Variants in ARHGAP10 observed in about 807,000 individuals in gnomAD.
The protein encoded by ARHGAP10 is Rho GTPase activating protein 10.
In ARHGAP10, 87 loss-of-function variants were observed where a neutral mutation model predicts 108.6. The observed-to-expected ratio is 0.80, with a 90% CI of 0.67 to 0.96. The LOEUF (loss-of-function observed/expected upper bound fraction) is 0.96, where lower values mean the gene tolerates loss of function less well. ARHGAP10 is among the 40% of genes least tolerant of loss of function. The pLI is 0.00. For missense variants in ARHGAP10, 939 were observed against 954.5 expected, an observed-to-expected ratio of 0.98 and a Z score of 0.21; for synonymous variants, 347 against 341.1, an observed-to-expected ratio of 1.02 and a Z score of -0.19.
chr4:147,853,164 A>G (rs1442226474), intron 4 of ARHGAP10, among the ~76,000 whole-genome samples: 1 of 152,214 alleles, frequency 6.6e-6, no homozygotes, highest in Non-Finnish European at 1.5e-5. Context: ...ACACTCGCTC[A>G]CACAGTACTA....
intron 20 of ARHGAP10, among the ~76,000 whole-genome samples, chr4:148,055,059 C>T (rs1390802679): frequency 2.0e-5 from 3 of 152,192 alleles, no homozygotes; most frequent in East Asian, 1.9e-4. Context: ...AAAGTTCAGC[C>T]CTCTTACCTG....
intron 10 of ARHGAP10, among the ~76,000 whole-genome samples, chr4:147,903,364 G>T (rs4527458): frequency 0.9 from 136,790 of 152,208 alleles, 63,110 homozygotes; most frequent in Non-Finnish European, 1. Context: ...AGATTTTCCT[G>T]ATTCCCCCCA....
chr4:147,837,865 TC>T (rs1733241584), intron 3 of ARHGAP10, among the ~76,000 whole-genome samples: 1 of 151,952 alleles, frequency 6.6e-6, no homozygotes, highest in African/African-American at 2.4e-5. Context: ...GGACTGATGT[TC>T]CTGTATGTGC....
chr4:147,970,167 G>T (rs575039315), intron 18 of ARHGAP10, among the ~76,000 whole-genome samples: 1 of 152,312 alleles, frequency 6.6e-6, no homozygotes, highest in South Asian at 2.1e-4. Context: ...CTGCTATGAG[G>T]AAGAATATTT....
At chr4:147,764,761 C>T (rs953846967) in intron 1 of ARHGAP10, among the ~76,000 whole-genome samples, 6 of 152,064 alleles carry the variant, frequency 3.9e-5, no homozygotes, top group Admixed American at 6.6e-5. Flanking sequence ...TCTTGAACTC[C>T]TGGCCTCAAG....
At chr4:147,784,354 A>G (rs1224573261) in intron 1 of ARHGAP10, among the ~76,000 whole-genome samples, 1 of 134,468 alleles carries the variant, frequency 7.4e-6, no homozygotes, top group Non-Finnish European at 1.5e-5. Context: ...TATATAATTT[A>G]TAAATTATAT....
intron 3 of ARHGAP10, among the ~76,000 whole-genome samples, chr4:147,833,716 G>A (rs1579096002): frequency 6.6e-6 from 1 of 150,660 alleles, no homozygotes; most frequent in Admixed American, 6.6e-5. Context: ...TAAGTGTTAA[G>A]CTATTATTTC....
intron 1 of ARHGAP10, among the ~76,000 whole-genome samples, chr4:147,745,817 C>T (rs1180907686): frequency 1.8e-4 from 20 of 113,648 alleles, no homozygotes; most frequent in South Asian, 9.4e-4. Flanking sequence ...GATGGAGTTT[C>T]GCTGTTGTTG....
intron 18 of ARHGAP10, among the ~76,000 whole-genome samples, chr4:147,977,792 C>T (rs1175536177): frequency 6.6e-6 from 1 of 151,954 alleles, no homozygotes; most frequent in African/African-American, 2.4e-5. Flanking sequence ...GTTTTTCCAC[C>T]CTTTCTCTCT....
chr4:148,053,370 A>G (rs1489598737), intron 20 of ARHGAP10, among the ~76,000 whole-genome samples: 2 of 152,218 alleles, frequency 1.3e-5, no homozygotes, highest in Non-Finnish European at 2.9e-5. Context: ...AAGAGGGAGC[A>G]CTGACCTTAC....
Position 147,897,304 on chromosome 4 carries a change from T to C in ARHGAP10, c.1035-9334T>C, listed in dbSNP as rs148944783. On this transcript the variant is annotated intron_variant, in intron 10 of 22. Transcript: ENST00000336498. ...TTTTTGTAGAGATGGGGTTTTGCTA[T>C]GTTGCCCAGGCTGGTCTTGAACTCC... Among the ~76,000 whole-genome samples the C allele has an allele frequency of 6.5e-3, 992 of 152,042 alleles. 3 individuals carry two copies. The highest frequency in any genetic ancestry group is 0.011 in the Non-Finnish European group (723 of 67,960).
At chr4:148,000,088 A>G (rs1459346199) in intron 18 of ARHGAP10, among the ~76,000 whole-genome samples, 3 of 150,892 alleles carry the variant, frequency 2.0e-5, no homozygotes, top group Non-Finnish European at 4.4e-5. Context: ...TCCCCACCCC[A>G]TGACAGGCCC....
intron 18 of ARHGAP10, among the ~76,000 whole-genome samples, chr4:147,993,863 T>C (rs1468945916): frequency 6.6e-6 from 1 of 152,212 alleles, no homozygotes; most frequent in Non-Finnish European, 1.5e-5. Flanking sequence ...GGGTAGGCAT[T>C]AAAGGCTCAG....
At chr4:147,851,664 A>C (rs2126824182) in intron 4 of ARHGAP10, among the ~76,000 whole-genome samples, 1 of 152,368 alleles carries the variant, frequency 6.6e-6, no homozygotes, top group East Asian at 1.9e-4. Flanking sequence ...CATTTCTTTC[A>C]TTCAGTAATA....
In ARHGAP10 at chr4:147,939,782, A is replaced by G. The variant is rs371219890; in HGVS notation, c.1229-43A>G. The stretch of plus-strand genomic sequence containing the variant: ...GCAACTGTTTGATGGCTTTTAAAAT[A>G]TGATAGTCTTCTATTTTGCTAATAG... On this transcript the variant is annotated intron_variant, in intron 13 of 22. Coordinates refer to ENST00000336498, the MANE Select transcript of ARHGAP10 (RefSeq NM_024605.4). 33 of 1,530,462 alleles carry G rather than the reference A, an allele frequency of 2.2e-5. No individual in the cohort carries two copies. The African/African-American group carries it at 4.4e-4, about 20-fold the overall frequency. The allele number at this position is 1,530,462 out of a possible 1,614,324, so 94.8% of individuals were successfully genotyped here.
At chr4:147,743,039 T>A (rs28505821) in intron 1 of ARHGAP10, among the ~76,000 whole-genome samples, 39,420 of 150,020 alleles carry the variant, frequency 0.26, 9,423 homozygotes, top group African/African-American at 0.65. Context: ...TTTTTTTTTT[T>A]AATTTTTATT....
chr4:147,956,427 C>A (rs1738788750), intron 16 of ARHGAP10, among the ~76,000 whole-genome samples: 1 of 152,058 alleles, frequency 6.6e-6, no homozygotes, highest in Admixed American at 6.5e-5. Context: ...ATAAAAGAGG[C>A]TTTTGGAAAA....
intron 18 of ARHGAP10, among the ~76,000 whole-genome samples, chr4:147,996,775 G>C (rs1740493976): frequency 6.6e-6 from 1 of 152,204 alleles, no homozygotes; most frequent in African/African-American, 2.4e-5. Context: ...GTAATCAGGT[G>C]AAATGAGGTC....
intron 6 of ARHGAP10, 39 bp from the exon 7 acceptor site, chr4:147,866,673 T>G (rs770134907): frequency 1.4e-6 from 2 of 1,481,248 alleles, no homozygotes; most frequent in Non-Finnish European, 1.9e-6. Flanking sequence ...TTCTCCTGAG[T>G]TTTTTTGTGC....
Sources: allele counts gnomAD v4.1 joint callset (sites outside exome capture counted in the v4.1 genomes callset), GRCh38; gene constraint gnomAD v4.1.1; transcripts MANE v1.5; gene names NCBI Gene and HGNC (gene_info 2026-07-23, HGNC 2026-07-21).